The following TBC1D5 variants were observed in gnomAD, a reference collection of about 807,000 sequenced individuals.
TBC1D5 encodes the protein TBC1 domain family, member 5.
A neutral mutation model predicts 100.3 loss-of-function variants in TBC1D5; 75 were observed. That is an observed-to-expected ratio of 0.75 (90% CI 0.62 to 0.91). The LOEUF (loss-of-function observed/expected upper bound fraction) is 0.91. TBC1D5 is among the 40% of genes least tolerant of loss of function. The probability of loss-of-function intolerance (pLI) is 0.00; values close to 1 mark genes in which losing one functional copy is unlikely to be tolerated. For synonymous variants in TBC1D5, 323 were observed against 325.6 expected (o/e 0.99, Z 0.09); for missense variants, 910 against 942.4 (o/e 0.97, Z 0.45).
chr3:17,551,873 A>G (rs893079670), intron 2 of TBC1D5, among the ~76,000 whole-genome samples: 3 of 152,174 alleles, frequency 2.0e-5, no homozygotes, highest in African/African-American at 7.2e-5. Context: ...GTATTAAAAT[A>G]AGGCATAATG....
intron 2 of TBC1D5, among the ~76,000 whole-genome samples, chr3:17,536,452 T>C (rs1480929903): frequency 6.6e-6 from 1 of 152,230 alleles, no homozygotes; most frequent in African/African-American, 2.4e-5. Context: ...AATACGTTCA[T>C]AATGTTGCTC....
chr3:17,202,631 C>T (rs2071607490), intron 18 of TBC1D5, among the ~76,000 whole-genome samples: 1 of 152,226 alleles, frequency 6.6e-6, no homozygotes, highest in Non-Finnish European at 1.5e-5. Flanking sequence ...GGCCCAGGGC[C>T]CTGCTACCCT....
At chr3:17,522,075 C>T (rs1350855122) in intron 2 of TBC1D5, among the ~76,000 whole-genome samples, 1 of 151,912 alleles carries the variant, frequency 6.6e-6, no homozygotes, top group African/African-American at 2.4e-5. Context: ...ATTTCCCAAA[C>T]ATAACATATA....
intron 1 of TBC1D5, among the ~76,000 whole-genome samples, chr3:17,727,296 G>A (rs950818156): frequency 3.3e-5 from 5 of 152,194 alleles, no homozygotes; most frequent in African/African-American, 7.2e-5. Context: ...CAGGAGAATC[G>A]CTTGATCCCG....
At chr3:17,537,861 C>T (rs1396669004) in intron 2 of TBC1D5, among the ~76,000 whole-genome samples, 5 of 152,192 alleles carry the variant, frequency 3.3e-5, no homozygotes, top group Non-Finnish European at 7.3e-5. Flanking sequence ...AGACAAGTCT[C>T]GTTCAACTTA....
At chr3:17,509,136 G>T (rs2095874426) in intron 2 of TBC1D5, among the ~76,000 whole-genome samples, 2 of 151,284 alleles carry the variant, frequency 1.3e-5, no homozygotes, top group Admixed American at 1.3e-4. Context: ...TGTAATCTAT[G>T]AATACTTTAA....
chr3:17,703,700 C>A (rs897896944), intron 1 of TBC1D5, among the ~76,000 whole-genome samples: 2 of 152,030 alleles, frequency 1.3e-5, no homozygotes, highest in Non-Finnish European at 1.5e-5. Context: ...AGCTTTCCCA[C>A]CTAAACATCC....
chr3:17,200,164 CTA>C, intron 18 of TBC1D5, among the ~76,000 whole-genome samples: 1 of 152,340 alleles, frequency 6.6e-6, no homozygotes. Flanking sequence ...ATTATAAACA[CTA>C]TATTTTGCTG....
chr3:17,219,491 T>C (rs574794265), intron 17 of TBC1D5, among the ~76,000 whole-genome samples: 547 of 149,156 alleles, frequency 3.7e-3, no homozygotes, highest in Admixed American at 5.9e-3. Context: ...TTTTTTTTTT[T>C]CCTCATACCT....
rs114056681 is a variant in TBC1D5 at position 17,529,740 on chromosome 3, G to A, written c.-35-21135C>T. 3.1e-3 allele frequency among the ~76,000 whole-genome samples: 467 copies of A among 151,744 alleles called. 1 individual carries two copies. The highest frequency in any genetic ancestry group is 0.011 in the African/African-American group (436 of 41,310). On this transcript the variant is annotated intron_variant, in intron 2 of 21. Transcript: ENST00000253692. ...CGGCTCACTGCAACCTCTGTCTGCC[G>A]GGCTCAAGCAATCCTCCTGCCTCAG...
rs184362038 is a variant in TBC1D5 at position 17,225,766 on chromosome 3, C to A, written c.1589-11396G>T. Reference sequence around the variant, plus strand: ...AGCTGAAGAGGGACAATTACTTGAGCCCAGGAGGTAGAGGCTGCAGTGTGC... The same window carrying A: ...AGCTGAAGAGGGACAATTACTTGAGACCAGGAGGTAGAGGCTGCAGTGTGC... On this transcript the variant is annotated intron_variant, in intron 17 of 21. Transcript: ENST00000253692. Among the ~76,000 whole-genome samples the A allele has an allele frequency of 7.2e-5, 11 of 152,188 alleles. No individual in the cohort carries two copies. In the East Asian group the frequency reaches 2.1e-3, roughly 29 times the overall value.
Position 17,258,604 on chromosome 3 carries a change from A to T in TBC1D5, c.1246-13T>A. The T allele has an allele frequency of 6.3e-7, 1 of 1,598,530 alleles. No homozygotes were observed. The highest frequency in any genetic ancestry group is 8.6e-7 in the Non-Finnish European group (1 of 1,167,798). ...GTCTTGGATTTCTCTAAAAAAAAAT[A>T]CATTTTTAAAAAGCTAGTTAAATGA... On this transcript the variant is annotated splice_polypyrimidine_tract_variant and intron_variant, in intron 15 of 21. Coordinates refer to ENST00000253692, the Ensembl canonical transcript of TBC1D5.
intron 2 of TBC1D5, among the ~76,000 whole-genome samples, chr3:17,521,037 T>C (rs1334226097): frequency 6.6e-6 from 1 of 152,142 alleles, no homozygotes; most frequent in Non-Finnish European, 1.5e-5. Flanking sequence ...TGTTTTTCAA[T>C]TACCCTGAAA....
intron 1 of TBC1D5, among the ~76,000 whole-genome samples, chr3:17,671,693 A>T (rs944705562): frequency 1.2e-4 from 19 of 152,358 alleles, no homozygotes; most frequent in Middle Eastern, 3.4e-3. Context: ...TTCTCCCCCA[A>T]ATGTGATAAT....
At chr3:17,514,974 T>C (rs970984485) in intron 2 of TBC1D5, among the ~76,000 whole-genome samples, 1 of 151,386 alleles carries the variant, frequency 6.6e-6, no homozygotes, top group Non-Finnish European at 1.5e-5. Context: ...CTATTTTATA[T>C]AGATATTACC....
At chr3:17,693,648 A>T (rs2071530846) in intron 1 of TBC1D5, among the ~76,000 whole-genome samples, 1 of 152,242 alleles carries the variant, frequency 6.6e-6, no homozygotes, top group South Asian at 2.1e-4. Context: ...ACCTCCGTAC[A>T]CAGGCCTTAG....
chr3:17,663,951 T>C (rs1400552385), intron 1 of TBC1D5, among the ~76,000 whole-genome samples: 1 of 152,232 alleles, frequency 6.6e-6, no homozygotes, highest in Non-Finnish European at 1.5e-5. Flanking sequence ...ATTTTTCATA[T>C]AAAAAACTTA....
intron 2 of TBC1D5, among the ~76,000 whole-genome samples, chr3:17,557,969 A>T (rs1315333654): frequency 6.6e-6 from 1 of 152,148 alleles, no homozygotes; most frequent in Non-Finnish European, 1.5e-5. Flanking sequence ...AGAAATTTTC[A>T]TGATGCAAAA....
At chr3:17,552,648 A>G (rs2096483770) in intron 2 of TBC1D5, among the ~76,000 whole-genome samples, 1 of 152,156 alleles carries the variant, frequency 6.6e-6, no homozygotes, top group Non-Finnish European at 1.5e-5. Flanking sequence ...AACAAATATA[A>G]AAACACCAGG....
Sources: gnomAD v4.1 joint callset for allele counts (sites outside exome capture counted in the v4.1 genomes callset) on GRCh38, gnomAD v4.1.1 for gene constraint, MANE v1.5 for transcripts, NCBI Gene and HGNC (gene_info 2026-07-23, HGNC 2026-07-21) for gene names.